QTRT2: variants seen among roughly 807,000 people sequenced by gnomAD.
The protein encoded by QTRT2 is queuine tRNA-ribosyltransferase domain containing 1.
QTRT2 carries 32 observed loss-of-function variants against 44.8 expected under a neutral mutation model. The ratio of observed to expected loss-of-function variants is 0.71; its 90% CI spans 0.54 to 0.96. The LOEUF (loss-of-function observed/expected upper bound fraction) is 0.96. Among genes scored for constraint, QTRT2 ranks in the 40% least tolerant of loss-of-function variants. The pLI is 0.00. For missense variants in QTRT2, 461 were observed against 503.1 expected (o/e 0.92, Z 0.80); for synonymous variants, 182 against 187.4 (o/e 0.97, Z 0.24).
chr3:114,058,725 T>G (rs1269033871), intron 2 of QTRT2, among the ~76,000 whole-genome samples: 1 of 152,160 alleles, frequency 6.6e-6, no homozygotes, highest in African/African-American at 2.4e-5. Context: ...TAGAGACGGT[T>G]TCACCATGTT....
rs2077237965 is a variant in QTRT2, at chr3:114,086,422, G to A, written c.*518G>A. The A allele has an allele frequency of 6.1e-6, 1 of 163,270 alleles. No homozygotes were observed. Among genetic ancestry groups the A allele is most frequent in the Non-Finnish European group, 1.4e-5 (1 of 73,676 alleles). 10.1% of individuals were successfully genotyped at this position (163,270 alleles called of 1,614,324 possible). On this transcript the variant is annotated 3_prime_UTR_variant, in exon 10 of 10. Transcript: ENST00000281273. Reference sequence around the variant, plus strand: ...CCTGCCCTGGCAGTGCAGCCAATCAGAAATGGCTCTTGTGACTTAACTGGG... The same window carrying A: ...CCTGCCCTGGCAGTGCAGCCAATCAAAAATGGCTCTTGTGACTTAACTGGG...
At chr3:114,058,346 C>A (rs1446734369) in intron 2 of QTRT2, among the ~76,000 whole-genome samples, 2 of 152,120 alleles carry the variant, frequency 1.3e-5, no homozygotes, top group Non-Finnish European at 2.9e-5. Flanking sequence ...CTTCCCACTT[C>A]CCTCTCCAGT....
At chr3:114,071,994 T>C (rs2077030465) in intron 6 of QTRT2, among the ~76,000 whole-genome samples, 1 of 152,238 alleles carries the variant, frequency 6.6e-6, no homozygotes, top group South Asian at 2.1e-4. Flanking sequence ...CTCTGACCTT[T>C]CTGAGTTGCT....
chr3:114,072,185 T>G (rs1261008145), intron 6 of QTRT2, among the ~76,000 whole-genome samples: 3 of 152,148 alleles, frequency 2.0e-5, no homozygotes, highest in African/African-American at 7.2e-5. Context: ...CTCACTCTAT[T>G]GCTCAGCCTA....
At chr3:114,069,970 A>T (rs143364866) in intron 5 of QTRT2, among the ~76,000 whole-genome samples, 46 of 152,352 alleles carry the variant, frequency 3.0e-4, no homozygotes, top group African/African-American at 1.0e-3. Flanking sequence ...CAGACAAATA[A>T]AGAATGGTGT....
intron 9 of QTRT2, among the ~76,000 whole-genome samples, chr3:114,083,615 T>G (rs929170308): frequency 6.6e-6 from 1 of 152,086 alleles, no homozygotes; most frequent in South Asian, 2.1e-4. Context: ...CTGGGGTGGG[T>G]TTTTTGTCTT....
At position 114,087,199 on chromosome 3, in the gene QTRT2, TAC is replaced by T. The variant is rs1203848387; in HGVS notation, c.*1297_*1298del. 9.2e-5 allele frequency: 14 copies of T among 152,284 alleles called. No homozygotes were observed. The highest frequency in any genetic ancestry group is 3.4e-4 in the African/African-American group (14 of 41,572). 9.4% of individuals were successfully genotyped at this position (152,284 alleles called of 1,614,324 possible). On this transcript the variant is annotated 3_prime_UTR_variant, in exon 10 of 10. Coordinates refer to ENST00000281273, the MANE Select transcript of QTRT2 (RefSeq NM_024638.4). ...CCCCTTTTTTTGTAGGGATAAGAAA[TAC>T]ATTTGTTTTATACTTCTATGCTATA...
chr3:114,084,807 A>G (rs1328639432), intron 9 of QTRT2, among the ~76,000 whole-genome samples: 1 of 152,226 alleles, frequency 6.6e-6, no homozygotes, highest in Non-Finnish European at 1.5e-5. Flanking sequence ...CATGCAGGGT[A>G]GCTCCAGGAC....
chr3:114,065,493 T>C, intron 3 of QTRT2, 36 bp downstream of exon 3: 1 of 1,523,768 alleles, frequency 6.6e-7, no homozygotes, highest in South Asian at 1.1e-5. Context: ...GTATCAACTG[T>C]GGCAGCAGCT....
At chr3:114,077,105 A>G in intron 7 of QTRT2, 163 bp downstream of exon 7, 3 of 639,954 alleles carry the variant, frequency 4.7e-6, no homozygotes, top group Non-Finnish European at 8.1e-6. Context: ...CTGTAAGGGG[A>G]GTTTCCATCA....
intron 7 of QTRT2, 194 bp downstream of exon 7, chr3:114,077,136 T>C (rs2077102019): frequency 1.7e-6 from 1 of 593,768 alleles, no homozygotes; most frequent in African/African-American, 1.9e-5. Context: ...GGCCTTGATT[T>C]CAGAATGTAG....
intron 8 of QTRT2, among the ~76,000 whole-genome samples, chr3:114,081,376 G>A (rs549007382): frequency 5.9e-4 from 90 of 152,204 alleles, no homozygotes; most frequent in South Asian, 1.2e-3. Context: ...CAGAAATAGG[G>A]TCTCACTCTG....
intron 2 of QTRT2, among the ~76,000 whole-genome samples, chr3:114,061,430 CA>C (rs2076885220): frequency 1.3e-5 from 2 of 152,298 alleles, no homozygotes; most frequent in Admixed American, 1.3e-4. Context: ...TACCAGTGGC[CA>C]GCCAGCCCTC....
chr3:114,076,838 G>A lies in QTRT2; in HGVS notation c.642G>A (p.Val214=), dbSNP rs770363901. ...RSARETAKRP[V]GGFLLDGFQG... The stretch of plus-strand genomic sequence containing the variant: ...CACGAGAGACAGCCAAGCGGCCTGT[G>A]GGTGGCTTCCTTCTGGATGGTTTTC... The change falls in exon 7 of 10, where the codon GTG becomes GTA. Residue 214 remains valine, a synonymous_variant. Coordinates refer to ENST00000281273, the MANE Select transcript of QTRT2 (RefSeq NM_024638.4). The A allele has an allele frequency of 6.2e-7, 1 of 1,614,208 alleles. No homozygotes were observed. The highest frequency in any genetic ancestry group is 1.3e-5 in the African/African-American group (1 of 75,054).
intron 8 of QTRT2, among the ~76,000 whole-genome samples, chr3:114,081,451 A>C (rs532998670): frequency 6.6e-6 from 1 of 152,132 alleles, no homozygotes; most frequent in East Asian, 1.9e-4. Context: ...CTGAAAAAAG[A>C]ACATTCAGAG....
intron 7 of QTRT2, chr3:114,077,232 C>G: frequency 3.0e-6 from 1 of 328,148 alleles, no homozygotes; most frequent in East Asian, 5.9e-5. Context: ...CATTCTTGTG[C>G]CAATTACAAA....
At chr3:114,065,207 C>G in intron 2 of QTRT2, 30 bp from the exon 3 acceptor site, 1 of 1,550,646 alleles carries the variant, frequency 6.4e-7, no homozygotes, top group Non-Finnish European at 8.9e-7. Context: ...TGTGAAGCTC[C>G]TTCTATACTT....
chr3:114,085,899 T>C lies in QTRT2; in HGVS notation c.1243T>C (p.Ser415Pro). ...QLKELIHRQA[S>P] ...GAAAGAGCTCATCCACAGGCAAGCA[T>C]CTTGAGATCTTGCAAATACAAGTCT... Residue 415 changes from serine (S) to proline (P), a missense_variant, in exon 10 of 10, where the codon TCT becomes CCT. Coordinates refer to ENST00000281273, the MANE Select transcript of QTRT2 (RefSeq NM_024638.4). 1 of 1,610,882 alleles carries C rather than the reference T, an allele frequency of 6.2e-7. No homozygotes were observed. Among genetic ancestry groups the C allele is most frequent in the African/African-American group, 1.3e-5 (1 of 74,960 alleles).
chr3:114,066,280 A>G lies in QTRT2; in HGVS notation c.253A>G (p.Ile85Val). 6.3e-7 allele frequency: 1 copy of G among 1,593,022 alleles called. No individual in the cohort carries two copies. Among genetic ancestry groups the G allele is most frequent in the Non-Finnish European group, 8.6e-7 (1 of 1,161,582 alleles). ...TEYKEGVGKF[I>V]GMPESLLYCS... ...ATATAAAGAAGGAGTTGGAAAGTTT[A>G]TAGGTAAAAATTAAGTTACTTATAT... The change falls in exon 4 of 10, where the codon ATA becomes GTA. Residue 85 changes from isoleucine to valine, a missense_variant. By Grantham distance (29) the Ile-to-Val change is conservative. Coordinates refer to ENST00000281273, the MANE Select transcript of QTRT2 (RefSeq NM_024638.4).
Sources: allele counts gnomAD v4.1 joint callset (sites outside exome capture counted in the v4.1 genomes callset), GRCh38; gene constraint gnomAD v4.1.1; transcripts MANE v1.5; gene names NCBI Gene and HGNC (gene_info 2026-07-23, HGNC 2026-07-21).